The following NOL4 variants were observed in gnomAD, a reference collection of about 807,000 sequenced individuals.
The protein encoded by NOL4 is nucleolar protein 4.
In NOL4, 17 loss-of-function variants were observed where a neutral mutation model predicts 75.9. The ratio of observed to expected loss-of-function variants is 0.22; its 90% CI spans 0.15 to 0.34. The LOEUF is 0.34. Among genes scored for constraint, NOL4 ranks in the 10% least tolerant of loss-of-function variants. NOL4 has a pLI of 1.00. For missense variants in NOL4, 614 were observed against 793.5 expected (o/e 0.77, Z 2.72); for synonymous variants, 292 against 289.9 (o/e 1.01, Z -0.07).
chr18:34,213,611 G>A (rs964451499), intron 1 of NOL4, among the ~76,000 whole-genome samples: 2 of 152,126 alleles, frequency 1.3e-5, no homozygotes, highest in Admixed American at 6.5e-5. Context: ...ATGAATTAAT[G>A]TCATGATCTC....
chr18:34,193,582 TAA>T (rs1437092270), intron 1 of NOL4, among the ~76,000 whole-genome samples: 2 of 145,732 alleles, frequency 1.4e-5, no homozygotes, highest in African/African-American at 5.1e-5. Flanking sequence ...TTTTAAAATA[TAA>T]AAGTCTTTTG....
At chr18:34,159,902 C>A (rs1208583288) in intron 1 of NOL4, among the ~76,000 whole-genome samples, 1 of 151,954 alleles carries the variant, frequency 6.6e-6, no homozygotes, top group Non-Finnish European at 1.5e-5. Flanking sequence ...GAGAGGGATG[C>A]GGGGAGGGGA....
At chr18:34,073,100 A>C (rs2077590969) in intron 5 of NOL4, among the ~76,000 whole-genome samples, 2 of 152,122 alleles carry the variant, frequency 1.3e-5, no homozygotes, top group Non-Finnish European at 2.9e-5. Flanking sequence ...AAAACATACA[A>C]AATACAGAGA....
chr18:34,154,147 G>A (rs1388950149), intron 1 of NOL4, among the ~76,000 whole-genome samples: 2 of 152,038 alleles, frequency 1.3e-5, no homozygotes, highest in Admixed American at 6.6e-5. Context: ...ATGCAAAGAT[G>A]TAAGAGGAAA....
intron 10 of NOL4, among the ~76,000 whole-genome samples, chr18:33,866,019 C>T (rs2063412953): frequency 6.6e-6 from 1 of 152,092 alleles, no homozygotes; most frequent in African/African-American, 2.4e-5. Context: ...CTGTTTAAGG[C>T]ATTATGCAAG....
chr18:33,904,446 G>A (rs912052400), intron 9 of NOL4, among the ~76,000 whole-genome samples: 1 of 152,002 alleles, frequency 6.6e-6, no homozygotes, highest in Non-Finnish European at 1.5e-5. Flanking sequence ...TGAACTAAGG[G>A]ATGGGAGGTC....
intron 9 of NOL4, among the ~76,000 whole-genome samples, chr18:33,903,832 G>T (rs1361208814): frequency 6.6e-6 from 1 of 151,946 alleles, no homozygotes; most frequent in African/African-American, 2.4e-5. Context: ...AATCCCACTA[G>T]GCCAATCCAT....
At chr18:34,220,673 A>C (rs1222083135) in intron 1 of NOL4, among the ~76,000 whole-genome samples, 1 of 152,164 alleles carries the variant, frequency 6.6e-6, no homozygotes, top group Non-Finnish European at 1.5e-5. Flanking sequence ...CTATAATTCT[A>C]TGTCGGGAGC....
At chr18:33,976,183 G>A (rs1420524768) in intron 6 of NOL4, among the ~76,000 whole-genome samples, 3 of 152,102 alleles carry the variant, frequency 2.0e-5, no homozygotes, top group African/African-American at 7.2e-5. Context: ...TTTATAAAAT[G>A]GGTTTAGAAC....
At position 34,024,204 on chromosome 18, in the gene NOL4, T is replaced by A. The variant is rs1285759045; in HGVS notation, c.773-4603A>T. Among the ~76,000 whole-genome samples, 14 of 125,678 alleles carry A rather than the reference T, an allele frequency of 1.1e-4. 1 individual carries two copies. Among genetic ancestry groups the A allele is most frequent in the African/African-American group, 4.0e-4 (14 of 34,886 alleles). The allele number at this position is 125,678 out of a possible 152,430, so 82.4% of individuals were successfully genotyped here. On this transcript the variant is annotated intron_variant, in intron 5 of 10. Transcript: ENST00000261592. ...AGGAAAAAAAAAAAAAATATATATA[T>A]ATATATATATAAAATCCTCATTTTA...
chr18:34,154,721 G>T (rs1413796354), intron 1 of NOL4, among the ~76,000 whole-genome samples: 1 of 151,582 alleles, frequency 6.6e-6, no homozygotes, highest in Non-Finnish European at 1.5e-5. Context: ...TGTAAAATGT[G>T]CTAAATAGTT....
intron 6 of NOL4, among the ~76,000 whole-genome samples, chr18:33,960,015 CAT>C (rs1160388969): frequency 6.6e-6 from 1 of 151,780 alleles, no homozygotes; most frequent in African/African-American, 2.4e-5. Flanking sequence ...GGTTTATGTA[CAT>C]GTTAATCTTT....
chr18:34,120,103 T>C (rs1402172725), intron 2 of NOL4, among the ~76,000 whole-genome samples: 1 of 152,230 alleles, frequency 6.6e-6, no homozygotes, highest in Non-Finnish European at 1.5e-5. Flanking sequence ...TATATTTATC[T>C]AATATGAATG....
intron 5 of NOL4, among the ~76,000 whole-genome samples, chr18:34,066,971 C>T (rs1006269864): frequency 3.9e-5 from 6 of 151,972 alleles, no homozygotes; most frequent in South Asian, 2.1e-4. Flanking sequence ...TACCTTTATA[C>T]GTCAGGCATT....
At chr18:34,055,437 C>G (rs954768197) in intron 5 of NOL4, among the ~76,000 whole-genome samples, 2 of 152,092 alleles carry the variant, frequency 1.3e-5, no homozygotes, top group East Asian at 3.9e-4. Flanking sequence ...TATCACACTT[C>G]CTTTGGCCTA....
chr18:34,123,703 TATAG>T (rs1207963722), intron 2 of NOL4, among the ~76,000 whole-genome samples: 2 of 148,456 alleles, frequency 1.3e-5, no homozygotes, highest in African/African-American at 4.9e-5. Flanking sequence ...TATATGTATA[TATAG>T]AGAGATAGAT....
chr18:33,962,030 C>A (rs1444453250), intron 6 of NOL4, among the ~76,000 whole-genome samples: 1 of 152,112 alleles, frequency 6.6e-6, no homozygotes, highest in African/African-American at 2.4e-5. Flanking sequence ...AATTGCCAAT[C>A]CCTTGGGTAC....
intron 9 of NOL4, among the ~76,000 whole-genome samples, chr18:33,890,100 T>C (rs905277107): frequency 2.0e-5 from 3 of 152,070 alleles, no homozygotes; most frequent in African/African-American, 2.4e-5. Flanking sequence ...TCAAATTGTC[T>C]CTGTTTGCAG....
chr18:34,184,939 C>T (rs148825537), intron 1 of NOL4, among the ~76,000 whole-genome samples: 149 of 152,182 alleles, frequency 9.8e-4, no homozygotes, highest in African/African-American at 3.3e-3. Context: ...AATTCAGAAG[C>T]GGTGAGCAGA....
Sources: allele counts gnomAD v4.1 joint callset (sites outside exome capture counted in the v4.1 genomes callset), GRCh38; gene constraint gnomAD v4.1.1; transcripts MANE v1.5; gene names NCBI Gene and HGNC (gene_info 2026-07-23, HGNC 2026-07-21).